The following ACTN3 variants were observed in gnomAD, a reference collection of about 807,000 sequenced individuals.
ACTN3 encodes the protein actinin alpha 3, also known as alpha-actinin-3.
Under a neutral mutation model 119.6 loss-of-function variants are expected in ACTN3, and 91 were observed. The ratio of observed to expected loss-of-function variants is 0.76; its 90% CI spans 0.64 to 0.91. The LOEUF (loss-of-function observed/expected upper bound fraction) is 0.91. ACTN3 is among the 40% of genes least tolerant of loss of function. ACTN3 has a pLI of 0.00. For synonymous variants in ACTN3, 456 were observed against 478.8 expected (o/e 0.95, Z 0.62); for missense variants, 1,221 against 1,215.1 (o/e 1.00, Z -0.07).
At chr11:66,555,567 A>G (rs1857575053) in intron 7 of ACTN3, among the ~76,000 whole-genome samples, 200 bp downstream of exon 7, 1 of 147,854 alleles carries the variant, frequency 6.8e-6, no homozygotes, top group Middle Eastern at 3.4e-3. Flanking sequence ...ATCCTCTGCC[A>G]CCTCTCCCCT....
Position 66,560,310 on chromosome 11 carries a change from A to C in ACTN3, c.1676A>C (p.Gln559Pro). Reference protein sequence around the residue: ...VWLVHSVEETQSLLTAHDQFK... With the variant: ...VWLVHSVEETPSLLTAHDQFK... ...CTGGTACACTCTGTGGAGGAGACCCAGGTGGGTGCCAGGGTTGCAGGGGAT... is the reference window on the plus strand; with the variant it reads ...CTGGTACACTCTGTGGAGGAGACCCCGGTGGGTGCCAGGGTTGCAGGGGAT... Residue 559 changes from glutamine to proline, a missense_variant and splice_region_variant, in exon 14 of 21, where the codon CAG (glutamine) becomes CCG (proline). Around this residue, in one of 3 missense-constraint regions of ACTN3, gnomAD observed 934 missense variants for 899.9 expected, o/e 1.04. Transcript: ENST00000513398. 1.2e-6 allele frequency: 2 copies of C among 1,612,056 alleles called. No individual in the cohort carries two copies. The highest frequency in any genetic ancestry group is 1.7e-4 in the Middle Eastern group (1 of 6,052).
rs1192812672 is a variant in ACTN3, at chr11:66,557,867, C to A, written c.1066C>A (p.Gln356Lys). 3.7e-6 allele frequency: 6 copies of A among 1,614,086 alleles called. No homozygotes were observed. Among genetic ancestry groups the A allele is most frequent in the African/African-American group, 1.3e-5 (1 of 74,938 alleles). Reference sequence around the variant, plus strand: ...GCTGGAGATCAACTTCAACACACTGCAGACCAAGTTGCGGCTCAGCCACCG... The same window carrying A: ...GCTGGAGATCAACTTCAACACACTGAAGACCAAGTTGCGGCTCAGCCACCG... ...CQLEINFNTL[Q>K]TKLRLSHRPA... The change falls in exon 10 of 21, where the codon CAG (glutamine) becomes AAG (lysine). Residue 356 changes from glutamine (Q) to lysine (K), a missense_variant. Around this residue, in one of 3 missense-constraint regions of ACTN3, gnomAD observed 934 missense variants for 899.9 expected, o/e 1.04. Coordinates refer to ENST00000513398, the MANE Select transcript of ACTN3 (RefSeq NM_001104.4).
intron 4 of ACTN3, 110 bp from the exon 5 acceptor site, chr11:66,554,426 C>A: frequency 1.2e-6 from 1 of 843,590 alleles, no homozygotes; most frequent in Non-Finnish European, 1.8e-6. Flanking sequence ...TCACTGCACT[C>A]CAGTTGGATG....
chr11:66,549,788 T>A (rs1426017356), intron 1 of ACTN3, among the ~76,000 whole-genome samples: 3 of 139,000 alleles, frequency 2.2e-5, no homozygotes, highest in Non-Finnish European at 3.1e-5. Context: ...GACCTGCCTA[T>A]CCCCCTGCCC....
intron 19 of ACTN3, 50 bp from the exon 20 acceptor site, chr11:66,562,746 C>G (rs1345866223): frequency 3.2e-6 from 5 of 1,548,876 alleles, no homozygotes; most frequent in Admixed American, 1.9e-5. Context: ...ACTGGGAGCC[C>G]TCCTGGCTTT....
intron 3 of ACTN3, among the ~76,000 whole-genome samples, chr11:66,552,736 A>C (rs758453790): frequency 1.3e-5 from 2 of 152,022 alleles, no homozygotes; most frequent in Non-Finnish European, 2.9e-5. Flanking sequence ...GCACGCCTGT[A>C]ATCCCAGCTA....
chr11:66,551,723 CTCAGT>C (rs1454271619), intron 3 of ACTN3, 76 bp downstream of exon 3: 1 of 1,572,062 alleles, frequency 6.4e-7, no homozygotes, highest in African/African-American at 1.4e-5. Flanking sequence ...CTCTGTGAGC[CTCAGT>C]TTCCTCATCT....
intron 19 of ACTN3, 39 bp downstream of exon 19, chr11:66,562,361 AC>A: frequency 1.2e-6 from 2 of 1,601,808 alleles, no homozygotes; most frequent in Middle Eastern, 2.2e-4. Flanking sequence ...GTCCCAAAGT[AC>A]CCCCTCCTCT....
chr11:66,551,739 C>A, intron 3 of ACTN3, 92 bp downstream of exon 3: 1 of 1,543,218 alleles, frequency 6.5e-7, no homozygotes, highest in Non-Finnish European at 8.8e-7. Flanking sequence ...TTCCTCATCT[C>A]AGCAATGAGA....
chr11:66,561,661 A>T (rs1857771685), intron 17 of ACTN3, 24 bp downstream of exon 17: 1 of 1,601,120 alleles, frequency 6.2e-7, no homozygotes, highest in East Asian at 2.2e-5. Context: ...CTCTCAGGAG[A>T]GTGGGGAGGC....
rs768200266 is a variant in ACTN3 at position 66,561,617 on chromosome 11, C to G, written c.2155C>G (p.His719Asp). The G allele has an allele frequency of 6.2e-7, 1 of 1,612,496 alleles. No homozygotes were observed. The highest frequency in any genetic ancestry group is 1.7e-5 in the Admixed American group (1 of 59,866). Reference sequence around the variant, plus strand: ...GGAGAGCCTGGTGTTCGACAATAAGCACACCGTCTACAGCATGGAGGTGGG... The same window carrying G: ...GGAGAGCCTGGTGTTCGACAATAAGGACACCGTCTACAGCATGGAGGTGGG... ...LQESLVFDNK[H>D]TVYSMEHIRV... The change falls in exon 17 of 21, where the codon CAC becomes GAC. Residue 719 changes from histidine (H) to aspartate (D), a missense_variant. Physicochemically the swap from His to Asp is moderately conservative, Grantham distance 81. This residue lies in a region of ACTN3 where 934 missense variants were observed against 899.9 expected (regional missense o/e 1.04). Transcript: ENST00000513398.
At chr11:66,557,317 C>G in intron 9 of ACTN3, 92 bp downstream of exon 9, 10 of 1,275,832 alleles carry the variant, frequency 7.8e-6, no homozygotes, top group Non-Finnish European at 1.1e-5. Context: ...CAGAGCCTCC[C>G]TCTGCTCAGA....
intron 3 of ACTN3, 78 bp from the exon 4 acceptor site, chr11:66,553,967 G>A: frequency 7.9e-7 from 1 of 1,264,786 alleles, no homozygotes. Context: ...GGGCTGATCA[G>A]AGGGGAAGGT....
In ACTN3 at chr11:66,557,187, G is replaced by A. The variant is rs938568949; in HGVS notation, c.859G>A (p.Glu287Lys). 1.2e-5 allele frequency: 19 copies of A among 1,553,834 alleles called. No homozygotes were observed. Among genetic ancestry groups the A allele is most frequent in the African/African-American group, 6.8e-5 (5 of 73,096 alleles). Residue 287 changes from glutamate (E) to lysine (K), a missense_variant, in exon 9 of 21, where the codon GAG (glutamate) becomes AAG (lysine). Transcript: ENST00000513398. ...CKVLAVNQEN[E>K]KLMEEYEKLA... ...GGTGCTGGCAGTGAACCAGGAAAAC[G>A]AGAAGCTGATGGAGGAGTATGAGAA...
intron 11 of ACTN3, 83 bp from the exon 12 acceptor site, chr11:66,559,153 T>G (rs1857673131): frequency 7.3e-7 from 1 of 1,374,938 alleles, no homozygotes; most frequent in Non-Finnish European, 9.5e-7. Flanking sequence ...CCTTAGCAGA[T>G]GAGGCTTCAT....
In ACTN3 at chr11:66,561,512, G is replaced by C; in HGVS notation, c.2050G>C (p.Gly684Arg). The C allele has an allele frequency of 6.2e-7, 1 of 1,606,482 alleles. No homozygotes were observed. Among genetic ancestry groups the C allele is most frequent in the Non-Finnish European group, 8.5e-7 (1 of 1,176,566 alleles). Residue 684 changes from glycine to arginine, a missense_variant, in exon 17 of 21, where the codon GGG becomes CGG. By Grantham distance (125) the Gly-to-Arg change is moderately radical (BLOSUM62 -2). Transcript: ENST00000513398. ...LAGSLEEQMA[G>R]LRQQEQNIIN... is the part of the protein sequence containing the mutation. Reference sequence around the variant, plus strand: ...TGGCTCTCTGGAGGAGCAGATGGCTGGGCTACGGCAGCAGGAGCAGAACAT... The same window carrying C: ...TGGCTCTCTGGAGGAGCAGATGGCTCGGCTACGGCAGCAGGAGCAGAACAT...
At chr11:66,546,841 A>G, upstream of ACTN3, 1 of 1,514,968 alleles carries the variant, frequency 6.6e-7, no homozygotes. Flanking sequence ...CCCCATATTT[A>G]GTGCGAATTC....
chr11:66,557,787 AC>A lies in ACTN3; in HGVS notation c.987del (p.Arg331GlyfsTer101), dbSNP rs1391136221. ...AGTGCCATGCAGCGCAAACTAGAGGACTTTCGGGACTACCGGCGTCTGCACA... is the reference window on the plus strand; with the variant it reads ...AGTGCCATGCAGCGCAAACTAGAGGATTTCGGGACTACCGGCGTCTGCACA... ...SMSAMQRKLEDFRDYRRLHKP... is the reference protein window; with the variant it reads ...SMSAMQRKLEXFRDYRRLHKP... On this transcript the variant is annotated frameshift_variant, in exon 10 of 21. Coordinates refer to ENST00000513398, the MANE Select transcript of ACTN3 (RefSeq NM_001104.4). LOFTEE classifies it high-confidence loss of function. 2 of 1,613,838 alleles carry A rather than the reference AC, an allele frequency of 1.2e-6. No individual in the cohort carries two copies. The highest frequency in any genetic ancestry group is 2.2e-5 in the South Asian group (2 of 91,040).
In ACTN3 at chr11:66,547,084, A is replaced by G; in HGVS notation, c.147A>G (p.Lys49=). ...CGGCCTGGGAGAAGCAGCAGCGGAA[A>G]GTGAGTGCTCGCCCATTTCCTGACA... The part of the protein sequence containing the change: ...LDPAWEKQQR[K]TFTAWCNSHL... Residue 49 remains lysine (K), a splice_region_variant and synonymous_variant, in exon 1 of 21, where the codon AAA becomes AAG. Transcript: ENST00000513398. 1 of 1,503,778 alleles carries G rather than the reference A, an allele frequency of 6.6e-7. No individual in the cohort carries two copies. The highest frequency in any genetic ancestry group is 8.9e-7 in the Non-Finnish European group (1 of 1,129,104). The allele number at this position is 1,503,778 out of a possible 1,614,324, so 93.2% of individuals were successfully genotyped here. A position where few individuals can be genotyped will look rare whatever the true frequency, so the allele number is the denominator to read the frequency against.
Sources: gnomAD v4.1 joint callset for allele counts (sites outside exome capture counted in the v4.1 genomes callset) on GRCh38, gnomAD v4.1.1 for gene constraint, gnomAD v4.1.1 regional missense constraint, MANE v1.5 for transcripts, NCBI Gene and HGNC (gene_info 2026-07-23, HGNC 2026-07-21) for gene names.